The following POR variants were observed in gnomAD, a reference collection of about 807,000 sequenced individuals.
The protein encoded by POR is cytochrome p450 oxidoreductase.
A neutral mutation model predicts 84.0 loss-of-function variants in POR; 56 were observed. The ratio of observed to expected loss-of-function variants is 0.67; its 90% CI spans 0.54 to 0.83. The LOEUF is 0.83. Ranked by LOEUF, POR falls within the 40% of genes least tolerant of loss-of-function variation. POR has a pLI of 0.00. For synonymous variants in POR, 414 were observed against 400.5 expected (o/e 1.03, Z -0.40); for missense variants, 938 against 944.3 (o/e 0.99, Z 0.09).
At chr7:75,927,968 C>CTTT (rs1243977285) in intron 1 of POR, among the ~76,000 whole-genome samples, 84 of 106,976 alleles carry the variant, frequency 7.9e-4, no homozygotes, top group African/African-American at 1.6e-3. Context: ...TCTCAGGTTT[C>CTTT]TTTTTTTTTT....
intron 10 of POR, among the ~76,000 whole-genome samples, chr7:75,984,376 C>T (rs1011068530): frequency 4.6e-5 from 7 of 152,170 alleles, no homozygotes; most frequent in Non-Finnish European, 5.9e-5. Flanking sequence ...CAACCTGGGC[C>T]GAGCCCACCT....
chr7:75,916,784 T>C (rs533637509), intron 1 of POR, among the ~76,000 whole-genome samples: 3 of 152,262 alleles, frequency 2.0e-5, no homozygotes, highest in African/African-American at 4.8e-5. Context: ...AACAGCAGCA[T>C]TGACCGCAGC....
rs113869673 is a variant in POR at position 75,937,299 on chromosome 7, A to C, written c.-4-16690A>C. ...GTGAAACCCCATCTCTACAAAAAAA[A>C]AAAAAAAACAAAAAAACCAAAAATT... On this transcript the variant is annotated intron_variant, in intron 1 of 15. Coordinates refer to ENST00000461988, the MANE Select transcript of POR (RefSeq NM_000941.3). Among the ~76,000 whole-genome samples the C allele has an allele frequency of 1.1e-3, 164 of 149,594 alleles. 2 individuals carry two copies. Among genetic ancestry groups the C allele is most frequent in the African/African-American group, 3.8e-3 (154 of 40,956 alleles).
At chr7:75,953,046 C>T (rs1308725873) in intron 1 of POR, among the ~76,000 whole-genome samples, 4 of 152,174 alleles carry the variant, frequency 2.6e-5, no homozygotes, top group African/African-American at 9.7e-5. Flanking sequence ...ACTGAGGGAA[C>T]GAGACTCCGT....
chr7:75,961,208 G>C (rs1787921608), intron 2 of POR, among the ~76,000 whole-genome samples: 1 of 151,260 alleles, frequency 6.6e-6, no homozygotes, highest in African/African-American at 2.4e-5. Context: ...ATTCCAGCCT[G>C]GGCGATGAAG....
intron 1 of POR, among the ~76,000 whole-genome samples, chr7:75,941,323 G>A (rs561878275): frequency 4.6e-5 from 7 of 152,302 alleles, no homozygotes; most frequent in African/African-American, 9.6e-5. Flanking sequence ...GCGTGGACTC[G>A]AGACAGCATG....
chr7:75,970,504 C>T (rs947345229), intron 2 of POR, among the ~76,000 whole-genome samples: 4 of 151,874 alleles, frequency 2.6e-5, no homozygotes, highest in South Asian at 2.1e-4. Flanking sequence ...ACCACCACAC[C>T]GGGCTAATTA....
chr7:75,984,068 G>A (rs1239215812), intron 10 of POR, among the ~76,000 whole-genome samples: 2 of 152,158 alleles, frequency 1.3e-5, no homozygotes, highest in Admixed American at 6.5e-5. Flanking sequence ...CCCCTACCCC[G>A]TCACTGTCAT....
Position 75,954,157 on chromosome 7 carries a change from C to G in POR, c.165C>G (p.Pro55=), listed in dbSNP as rs782368623. Residue 55 remains proline, a synonymous_variant, in exon 2 of 16, where the codon CCC becomes CCG. Coordinates refer to ENST00000461988, the MANE Select transcript of POR (RefSeq NM_000941.3). ...TCAGAAAGAAAAAAGAAGAAGTCCCCGAGTTCACCAAAATTCAGACATTGT... is the reference window on the plus strand; with the variant it reads ...TCAGAAAGAAAAAAGAAGAAGTCCCGGAGTTCACCAAAATTCAGACATTGT... 19 of 1,611,148 alleles carry G rather than the reference C, an allele frequency of 1.2e-5. No individual in the cohort carries two copies. Among genetic ancestry groups the G allele is most frequent in the Non-Finnish European group, 1.7e-6 (2 of 1,178,686 alleles).
In POR at chr7:75,954,040, C is replaced by G. The variant is rs782678930; in HGVS notation, c.48C>G (p.Ser16=). The stretch of plus-strand genomic sequence containing the variant: ...ACGTGGACACCAGCTCCACCGTGTC[C>G]GAGGCGGTGGCCGAAGAAGTATCTC... Residue 16 remains serine (S), a synonymous_variant, in exon 2 of 16, where the codon TCC becomes TCG. Coordinates refer to ENST00000461988, the MANE Select transcript of POR (RefSeq NM_000941.3). 2 of 1,609,702 alleles carry G rather than the reference C, an allele frequency of 1.2e-6. No individual in the cohort carries two copies. The highest frequency in any genetic ancestry group is 1.7e-6 in the Non-Finnish European group (2 of 1,177,982).
Position 75,972,481 on chromosome 7 carries a change from T to C in POR, c.237+20T>C, listed in dbSNP as rs368055989. On this transcript the variant is annotated intron_variant, in intron 3 of 15. Coordinates refer to ENST00000461988, the MANE Select transcript of POR (RefSeq NM_000941.3). ...AAAACGGTGAGTTTCCTGCATGTCT[T>C]TACTCTTCTCAGGAAGCCTCGGCCC... is the stretch of plus-strand genomic sequence containing the variant. The C allele has an allele frequency of 1.6e-5, 26 of 1,592,048 alleles. No individual in the cohort carries two copies. Among genetic ancestry groups the C allele is most frequent in the Non-Finnish European group, 2.2e-5 (26 of 1,167,888 alleles).
At chr7:75,920,615 A>C (rs1554548685) in intron 1 of POR, among the ~76,000 whole-genome samples, 1 of 151,972 alleles carries the variant, frequency 6.6e-6, no homozygotes, top group African/African-American at 2.4e-5. Flanking sequence ...CTCACGTCAC[A>C]TCACCTCTGC....
At chr7:75,928,570 G>A (rs1393338702) in intron 1 of POR, among the ~76,000 whole-genome samples, 5 of 152,248 alleles carry the variant, frequency 3.3e-5, no homozygotes, top group Non-Finnish European at 7.3e-5. Flanking sequence ...TGAACATTGA[G>A]ATGGTGGAAT....
intron 1 of POR, among the ~76,000 whole-genome samples, chr7:75,949,238 T>C (rs1554552450): frequency 6.6e-6 from 1 of 152,046 alleles, no homozygotes; most frequent in Non-Finnish European, 1.5e-5. Context: ...CACTACAACC[T>C]CTGCCTCCCA....
At chr7:75,935,619 TTGTGTGTGTGTGTG>T (rs57899780) in intron 1 of POR, among the ~76,000 whole-genome samples, 8,479 of 131,348 alleles carry the variant, frequency 0.065, 844 homozygotes, top group African/African-American at 0.21. Flanking sequence ...TGCTCGGGGC[TTGTGTGTGTGTGTG>T]TGTGTGTGTG....
intron 11 of POR, 49 bp downstream of exon 11, chr7:75,985,007 T>C: frequency 6.3e-7 from 1 of 1,579,122 alleles, no homozygotes; most frequent in East Asian, 2.3e-5. Context: ...CCCGCCGTTT[T>C]CCGAGCTCCG....
Position 75,986,626 on chromosome 7 carries a change from T to A in POR, c.*145T>A, listed in dbSNP as rs1384282149. ...AAGACTCCTCTGGGCCTGGGGTGCA[T>A]CCTCCTCAGCCCCCAGGCCAGGTGA... On this transcript the variant is annotated 3_prime_UTR_variant, in exon 16 of 16. Coordinates refer to ENST00000461988, the MANE Select transcript of POR (RefSeq NM_000941.3). 9.6e-7 allele frequency: 1 copy of A among 1,044,966 alleles called. No individual in the cohort carries two copies. The highest frequency in any genetic ancestry group is 1.4e-6 in the Non-Finnish European group (1 of 732,502). 64.7% of individuals were successfully genotyped at this position (1,044,966 alleles called of 1,614,324 possible).
intron 1 of POR, among the ~76,000 whole-genome samples, chr7:75,949,711 G>A (rs1294304005): frequency 6.6e-6 from 1 of 150,732 alleles, no homozygotes; most frequent in East Asian, 2.0e-4. Flanking sequence ...GTAGAGACAG[G>A]GTTTCACCAT....
In POR at chr7:75,985,942, G is replaced by A. The variant is rs781819761; in HGVS notation, c.1689G>A (p.Thr563=). 9.4e-6 allele frequency: 15 copies of A among 1,588,352 alleles called. No homozygotes were observed. Among genetic ancestry groups the A allele is most frequent in the South Asian group, 6.9e-5 (6 of 87,384 alleles). The change falls in exon 14 of 16, where the codon ACG becomes ACA. Residue 563 remains threonine, a synonymous_variant. Transcript: ENST00000461988. The stretch of plus-strand genomic sequence containing the variant: ...ACGCAGGCAAGGAGGTGGGGGAGAC[G>A]CTGCTGTACTACGGCTGCCGCCGCT...
Sources: gnomAD v4.1 joint callset for allele counts (sites outside exome capture counted in the v4.1 genomes callset) on GRCh38, gnomAD v4.1.1 for gene constraint, MANE v1.5 for transcripts, NCBI Gene and HGNC (gene_info 2026-07-23, HGNC 2026-07-21) for gene names.